The following UNG variants were observed in gnomAD, a reference collection of about 807,000 sequenced individuals.
UNG encodes the protein uracil-DNA glycosylase.
A neutral mutation model predicts 36.5 loss-of-function variants in UNG; 34 were observed. That is an observed-to-expected ratio of 0.93 (90% confidence interval 0.71 to 1.24). The LOEUF (loss-of-function observed/expected upper bound fraction) is 1.24. Among genes scored for constraint, UNG ranks in the 50% most tolerant of loss-of-function variants. UNG has a pLI of 0.00. For missense variants in UNG, 391 were observed against 397.6 expected (o/e 0.98, Z 0.14); for synonymous variants, 172 against 157.8 (o/e 1.09, Z -0.67).
Position 109,110,880 on chromosome 12 carries a change from C to T in UNG, c.*911C>T, listed in dbSNP as rs2042259156. On this transcript the variant is annotated 3_prime_UTR_variant, in exon 7 of 7. Coordinates refer to ENST00000242576, the MANE Select transcript of UNG (RefSeq NM_080911.3). The stretch of plus-strand genomic sequence containing the variant: ...CCCAGTCCTTTTTTTAAGAGACGGT[C>T]TTTATTGGGTCTGCACCTCCATCCT... 6.6e-6 allele frequency: 1 copy of T among 151,962 alleles called. No homozygotes were observed. Among genetic ancestry groups the T allele is most frequent in the African/African-American group, 2.4e-5 (1 of 41,348 alleles). The allele number at this position is 151,962 out of a possible 1,614,324, so 9.4% of individuals were successfully genotyped here.
At chr12:109,107,471 C>T (rs2042226187) in intron 6 of UNG, among the ~76,000 whole-genome samples, 1 of 150,326 alleles carries the variant, frequency 6.7e-6, no homozygotes, top group Admixed American at 6.7e-5. Flanking sequence ...TCCCAAAGTG[C>T]TGGGATTACA....
At position 109,110,175 on chromosome 12, in the gene UNG, C is replaced by T. The variant is rs2042250699; in HGVS notation, c.*206C>T. The T allele has an allele frequency of 1.6e-6, 1 of 640,232 alleles. No homozygotes were observed. Among genetic ancestry groups the T allele is most frequent in the African/African-American group, 1.8e-5 (1 of 54,764 alleles). The allele number at this position is 640,232 out of a possible 1,614,324, so 39.7% of individuals were successfully genotyped here. On this transcript the variant is annotated 3_prime_UTR_variant, in exon 7 of 7. Coordinates refer to ENST00000242576, the MANE Select transcript of UNG (RefSeq NM_080911.3). ...GGCTACCCTTTGACCAAATGTCTTT[C>T]TCTGCAACATGGCTTCGGCCTAAAA...
chr12:109,098,211 C>T lies in UNG; in HGVS notation c.133-221C>T, dbSNP rs1018784. 7.8e-3 allele frequency: 11,365 copies of T among 1,454,230 alleles called. 770 individuals carry two copies. The African/African-American group carries it at 0.14, about 18-fold the overall frequency. 90.1% of individuals were successfully genotyped at this position (1,454,230 alleles called of 1,614,324 possible). ...GTCACCGCGACGCTCCTCGGGAAGC[C>T]ATAGGGCGCCTCCCAGCCCGTCTCC... On this transcript the variant is annotated intron_variant, in intron 1 of 6. Coordinates refer to ENST00000242576, the MANE Select transcript of UNG (RefSeq NM_080911.3).
intron 6 of UNG, among the ~76,000 whole-genome samples, 196 bp from the exon 7 acceptor site, chr12:109,109,633 A>C (rs2042244523): frequency 1.3e-5 from 2 of 151,942 alleles, no homozygotes; most frequent in Admixed American, 6.6e-5. Context: ...AAATACAAAA[A>C]TTAGCTGGGT....
intron 6 of UNG, among the ~76,000 whole-genome samples, chr12:109,108,890 C>A (rs1264554897): frequency 2.0e-5 from 3 of 152,070 alleles, no homozygotes; most frequent in African/African-American, 7.2e-5. Flanking sequence ...CCTTGGCCTC[C>A]CAAAGCACTG....
intron 1 of UNG, 170 bp from the exon 2 acceptor site, chr12:109,098,262 C>G: frequency 2.6e-6 from 4 of 1,520,508 alleles, no homozygotes; most frequent in Non-Finnish European, 3.5e-6. Flanking sequence ...ACCTAATTCC[C>G]AATTCCCGGA....
chr12:109,099,341 A>T (rs978404065), intron 3 of UNG, 57 bp downstream of exon 3: 13 of 1,445,900 alleles, frequency 9.0e-6, no homozygotes, highest in Non-Finnish European at 1.3e-5. Context: ...TAGTATTTTT[A>T]AATTAGGGAC....
At chr12:109,099,570 G>C (rs2042161715) in intron 3 of UNG, among the ~76,000 whole-genome samples, 1 of 152,060 alleles carries the variant, frequency 6.6e-6, no homozygotes. Context: ...TTATGGTGGT[G>C]GTGAAGTTCA....
intron 6 of UNG, among the ~76,000 whole-genome samples, chr12:109,105,899 A>C (rs1046916409): frequency 1.7e-4 from 26 of 152,318 alleles, no homozygotes; most frequent in African/African-American, 6.3e-4. Context: ...ATCTGATTTC[A>C]GGGGGGTAGA....
In UNG at chr12:109,098,999, A is replaced by G. The variant is rs549012198; in HGVS notation, c.340-190A>G. Among the ~76,000 whole-genome samples the G allele has an allele frequency of 1.2e-4, 18 of 152,300 alleles. No homozygotes were observed. In the South Asian group the frequency reaches 2.7e-3, roughly 23 times the overall value. On this transcript the variant is annotated intron_variant, in intron 2 of 6. Coordinates refer to ENST00000242576, the MANE Select transcript of UNG (RefSeq NM_080911.3). ...CCCAGCCCAGAGAAAGAGGCAAGGA[A>G]TTGACCTGATTGAACCACTTAGGTG...
At position 109,109,905 on chromosome 12, in the gene UNG, T is replaced by G; in HGVS notation, c.878T>G (p.Phe293Cys). 1 of 1,614,196 alleles carries G rather than the reference T, an allele frequency of 6.2e-7. No homozygotes were observed. Among genetic ancestry groups the G allele is most frequent in the Non-Finnish European group, 8.5e-7 (1 of 1,180,036 alleles). Residue 293 changes from phenylalanine to cysteine, a missense_variant, in exon 7 of 7, where the codon TTT becomes TGT. By Grantham distance (205) the Phe-to-Cys change is radical (BLOSUM62 -2). Coordinates refer to ENST00000242576, the MANE Select transcript of UNG (RefSeq NM_080911.3). Reference sequence around the variant, plus strand: ...AGAGGGTTCTTTGGATGTAGACACTTTTCAAAGACCAATGAGCTGCTGCAG... The same window carrying G: ...AGAGGGTTCTTTGGATGTAGACACTGTTCAAAGACCAATGAGCTGCTGCAG... ...VYRGFFGCRH[F>C]SKTNELLQKS...
intron 6 of UNG, among the ~76,000 whole-genome samples, chr12:109,108,642 AAATT>A (rs1403245050): frequency 6.6e-6 from 1 of 151,930 alleles, no homozygotes; most frequent in African/African-American, 2.4e-5. Flanking sequence ...AAAAAATAAA[AAATT>A]AAAAAAAAAG....
intron 4 of UNG, 81 bp from the exon 5 acceptor site, chr12:109,102,758 C>A: frequency 8.5e-7 from 1 of 1,177,776 alleles, no homozygotes; most frequent in Non-Finnish European, 1.3e-6. Flanking sequence ...CTAACCTTTT[C>A]ACATATGTCT....
chr12:109,102,972 G>A lies in UNG; in HGVS notation c.622+45G>A, dbSNP rs761072285. 2.5e-5 allele frequency: 25 copies of A among 1,006,206 alleles called. No individual in the cohort carries two copies. In the East Asian group the frequency reaches 5.2e-4, roughly 21 times the overall value. 62.3% of individuals were successfully genotyped at this position (1,006,206 alleles called of 1,614,324 possible). On this transcript the variant is annotated intron_variant, in intron 5 of 6. Coordinates refer to ENST00000242576, the MANE Select transcript of UNG (RefSeq NM_080911.3). ...ATTTTTTTTTTTTTTTTTTTTTTGA[G>A]ACCGAGTCTCACTCTGTTGCCCAGG...
In UNG at chr12:109,097,740, G is replaced by C. The variant is rs1435043915; in HGVS notation, c.61G>C (p.Ala21Pro). 1 of 1,578,542 alleles carries C rather than the reference G, an allele frequency of 6.3e-7. No homozygotes were observed. The highest frequency in any genetic ancestry group is 8.6e-7 in the Non-Finnish European group (1 of 1,162,716). The stretch of plus-strand genomic sequence containing the variant: ...CCCCAGCCCCGCCAGGAAGCGACAC[G>C]CCCCCAGCCCCGAGCCGGCCGTCCA... ...FSPSPARKRH[A>P]PSPEPAVQGT... The change falls in exon 1 of 7, where the codon GCC becomes CCC. Residue 21 changes from alanine (A) to proline (P), a missense_variant. Ala to Pro is a conservative substitution (Grantham distance 27). Coordinates refer to ENST00000242576, the MANE Select transcript of UNG (RefSeq NM_080911.3).
chr12:109,098,373 G>A (rs759700161), intron 1 of UNG, 59 bp from the exon 2 acceptor site: 2 of 1,601,608 alleles, frequency 1.2e-6, no homozygotes, highest in South Asian at 2.2e-5. Context: ...CGGAAGCTGC[G>A]GACGCCTGGG....
At chr12:109,103,639 C>CTT in intron 6 of UNG, 28 bp downstream of exon 6, 5 of 1,382,804 alleles carry the variant, frequency 3.6e-6, no homozygotes, top group Non-Finnish European at 3.9e-6. Flanking sequence ...TCTTTTTTTT[C>CTT]TTTTTTTTTT....
chr12:109,103,711 C>T, intron 6 of UNG, 100 bp downstream of exon 6: 1 of 1,323,590 alleles, frequency 7.6e-7, no homozygotes. Flanking sequence ...CCTGGAAAAT[C>T]CATGTTATAA....
chr12:109,098,717 A>C (rs2042154093), intron 2 of UNG, 79 bp downstream of exon 2: 2 of 1,592,342 alleles, frequency 1.3e-6, no homozygotes, highest in South Asian at 2.2e-5. Context: ...TAGCCGGCCA[A>C]GTTCATGTTT....
Sources: gnomAD v4.1 joint callset for allele counts (sites outside exome capture counted in the v4.1 genomes callset) on GRCh38, gnomAD v4.1.1 for gene constraint, MANE v1.5 for transcripts, NCBI Gene and HGNC (gene_info 2026-07-23, HGNC 2026-07-21) for gene names.